PLEKHG1: variants seen among roughly 807,000 people sequenced by gnomAD.
PLEKHG1 encodes the protein pleckstrin homology domain-containing family G member 1.
Under a neutral mutation model 100.8 loss-of-function variants are expected in PLEKHG1, and 44 were observed. The ratio of observed to expected loss-of-function variants is 0.44; its 90% confidence interval spans 0.34 to 0.56. The LOEUF (loss-of-function observed/expected upper bound fraction) is 0.56, where lower values mean the gene tolerates loss of function less well. Ranked by LOEUF, PLEKHG1 falls within the 20% of genes least tolerant of loss-of-function variation. The pLI is 0.01. For synonymous variants in PLEKHG1, 640 were observed against 662.5 expected, an observed-to-expected ratio of 0.97 and a Z score of 0.52; for missense variants, 1,545 against 1,720.9, an observed-to-expected ratio of 0.90 and a Z score of 1.81.
At chr6:150,728,151 CTAT>C (rs1467785718) in intron 1 of PLEKHG1, among the ~76,000 whole-genome samples, 1 of 152,188 alleles carries the variant, frequency 6.6e-6, no homozygotes, top group East Asian at 1.9e-4. Context: ...TCTGCATTCA[CTAT>C]TATTTGAACA....
intron 3 of PLEKHG1, among the ~76,000 whole-genome samples, chr6:150,686,219 A>C (rs1246250429): frequency 6.6e-6 from 1 of 152,266 alleles, no homozygotes; most frequent in Non-Finnish European, 1.5e-5. Context: ...GATTCGATTC[A>C]TCTTTTAAAA....
intron 1 of PLEKHG1, among the ~76,000 whole-genome samples, chr6:150,729,823 G>A (rs73608794): frequency 0.17 from 26,283 of 151,966 alleles, 3,428 homozygotes; most frequent in African/African-American, 0.36. Context: ...AGCTTTCCCC[G>A]CAGCGGTGCC....
intron 7 of PLEKHG1, among the ~76,000 whole-genome samples, chr6:150,807,070 A>C (rs1240951589): frequency 6.6e-6 from 1 of 152,146 alleles, no homozygotes; most frequent in Non-Finnish European, 1.5e-5. Flanking sequence ...CTTGTGTTCA[A>C]GTCAACCTTA....
At chr6:150,642,442 A>T (rs1778310449) in intron 2 of PLEKHG1, among the ~76,000 whole-genome samples, 2 of 152,084 alleles carry the variant, frequency 1.3e-5, no homozygotes, top group South Asian at 4.1e-4. Flanking sequence ...CCTTTTCCTT[A>T]TTTATGCCTG....
rs566516725 is a variant in PLEKHG1, at chr6:150,660,153, G to A, written c.-99+9367G>A. 4.6e-5 allele frequency among the ~76,000 whole-genome samples: 7 copies of A among 151,030 alleles called. No homozygotes were observed. The East Asian group carries it at 1.4e-3, about 29-fold the overall frequency. The stretch of plus-strand genomic sequence containing the variant: ...TTGAACTCCTGGCCTCAAGTGATCT[G>A]CCTGCCTCAGCCTCCCAAAGTGCTG... On this transcript the variant is annotated intron_variant, in intron 3 of 3. Coordinates refer to the PLEKHG1 transcript ENST00000367326.
intron 10 of PLEKHG1, among the ~76,000 whole-genome samples, chr6:150,810,051 G>A (rs9478829): frequency 1.3e-5 from 2 of 151,728 alleles, no homozygotes; most frequent in South Asian, 2.1e-4. Flanking sequence ...ATCCCAGCAC[G>A]TTGGGAGGCC....
intron 14 of PLEKHG1, chr6:150,827,676 A>G (rs949210647): frequency 7.4e-6 from 7 of 940,072 alleles, no homozygotes; most frequent in South Asian, 1.3e-5. Context: ...CAGGACCCCA[A>G]CGCAGACACT....
intron 1 of PLEKHG1, among the ~76,000 whole-genome samples, chr6:150,624,500 A>G (rs1278035638): frequency 6.6e-6 from 1 of 152,206 alleles, no homozygotes; most frequent in Non-Finnish European, 1.5e-5. Flanking sequence ...AAATTCAGCC[A>G]GGACGATTTT....
At chr6:150,798,679 T>A (rs975719137) in intron 5 of PLEKHG1, among the ~76,000 whole-genome samples, 1 of 152,202 alleles carries the variant, frequency 6.6e-6, no homozygotes, top group Admixed American at 6.5e-5. Flanking sequence ...TAAATATAAA[T>A]TAACACAGGA....
chr6:150,620,152 A>G (rs1158596113), intron 1 of PLEKHG1, among the ~76,000 whole-genome samples: 1 of 151,970 alleles, frequency 6.6e-6, no homozygotes, highest in Non-Finnish European at 1.5e-5. Flanking sequence ...TATATTTTTT[A>G]TAACTTTTAT....
intron 2 of PLEKHG1, among the ~76,000 whole-genome samples, chr6:150,753,431 T>G (rs80330984): frequency 0.029 from 4,380 of 152,284 alleles, 207 homozygotes; most frequent in African/African-American, 0.1. Context: ...TAATGGGGCT[T>G]ACGGTGATGC....
intron 3 of PLEKHG1, chr6:150,651,043 T>C (rs557864673): frequency 3.9e-5 from 6 of 152,194 alleles, no homozygotes; most frequent in Non-Finnish European, 8.8e-5. Flanking sequence ...AGTTTTCATG[T>C]CTACATTAGG....
intron 1 of PLEKHG1, among the ~76,000 whole-genome samples, chr6:150,728,777 T>C (rs955679425): frequency 6.6e-6 from 1 of 151,778 alleles, no homozygotes; most frequent in Admixed American, 6.6e-5. Context: ...GCGCCTGTAA[T>C]CCCAGCTACT....
intron 4 of PLEKHG1, among the ~76,000 whole-genome samples, chr6:150,794,730 G>A (rs1264094286): frequency 6.6e-6 from 1 of 151,760 alleles, no homozygotes; most frequent in Admixed American, 6.6e-5. Context: ...ATGATGTCTA[G>A]AATTTAATTC....
chr6:150,666,811 A>G (rs930035429), intron 3 of PLEKHG1, among the ~76,000 whole-genome samples: 1 of 149,312 alleles, frequency 6.7e-6, no homozygotes, highest in African/African-American at 2.5e-5. Context: ...CCCAGGCTGG[A>G]GTGCAGTGGC....
intron 3 of PLEKHG1, among the ~76,000 whole-genome samples, chr6:150,776,828 T>C (rs1583105468): frequency 6.8e-6 from 1 of 147,766 alleles, no homozygotes; most frequent in Non-Finnish European, 1.5e-5. Context: ...AATCCTGGCG[T>C]ACATGTGCGG....
chr6:150,691,336 T>C (rs918962421), intron 3 of PLEKHG1, among the ~76,000 whole-genome samples: 1 of 152,314 alleles, frequency 6.6e-6, no homozygotes, highest in Admixed American at 6.5e-5. Flanking sequence ...AACTTAAGTG[T>C]GAAGAGACTC....
chr6:150,609,526 G>A (rs954654745), intron 1 of PLEKHG1, among the ~76,000 whole-genome samples: 2 of 152,168 alleles, frequency 1.3e-5, no homozygotes, highest in Non-Finnish European at 2.9e-5. Context: ...AGGAGGAGCA[G>A]TAAGCAGGAG....
rs1465998012 is a variant in PLEKHG1, at chr6:150,701,447, ATATATATATATATATAT to A, written c.-98-32136_-98-32120del. 3.7e-5 allele frequency among the ~76,000 whole-genome samples: 3 copies of A among 80,948 alleles called. No individual in the cohort carries two copies. The African/African-American group carries it at 3.9e-4, about 10-fold the overall frequency. 53.1% of individuals were successfully genotyped at this position (80,948 alleles called of 152,430 possible). A position where few individuals can be genotyped will look rare whatever the true frequency, so the allele number is the denominator to read the frequency against. On this transcript the variant is annotated intron_variant, in intron 3 of 3. Coordinates refer to the PLEKHG1 transcript ENST00000367326. Reference sequence around the variant, plus strand: ...TATATATATATATATATATATATATATATATATATATATATATATAATTATACTTTAAGTTCTAGGGT... The same window carrying A: ...TATATATATATATATATATATATATAATAATTATACTTTAAGTTCTAGGGT...
Sources: allele counts gnomAD v4.1 joint callset (sites outside exome capture counted in the v4.1 genomes callset), GRCh38; gene constraint gnomAD v4.1.1; transcripts MANE v1.5; gene names NCBI Gene and HGNC (gene_info 2026-07-23, HGNC 2026-07-21).